CNTN1: variants seen among roughly 807,000 people sequenced by gnomAD.
The protein encoded by CNTN1 is contactin 1, also known as contactin-1.
CNTN1 carries 38 observed loss-of-function variants against 126.4 expected under a neutral mutation model. The observed-to-expected ratio is 0.30, with a 90% CI of 0.23 to 0.39. The LOEUF (loss-of-function observed/expected upper bound fraction) is 0.39, where lower values mean the gene tolerates loss of function less well. Ranked by LOEUF, CNTN1 falls within the 10% of genes least tolerant of loss-of-function variation. CNTN1 has a pLI of 1.00. For synonymous variants in CNTN1, 413 were observed against 422.6 expected (o/e 0.98, Z 0.28); for missense variants, 1,009 against 1,248.4 (o/e 0.81, Z 2.89).
chr12:40,905,615 T>G (rs181547608), intron 1 of CNTN1, among the ~76,000 whole-genome samples: 33 of 123,058 alleles, frequency 2.7e-4, no homozygotes, highest in South Asian at 1.7e-3. Context: ...AGGATTTGTG[T>G]AATAATAATA....
intron 1 of CNTN1, among the ~76,000 whole-genome samples, chr12:40,852,852 T>A (rs1942769308): frequency 6.6e-6 from 1 of 151,822 alleles, no homozygotes; most frequent in Non-Finnish European, 1.5e-5. Flanking sequence ...ATTTTTTAAG[T>A]CACTCAGTTT....
intron 14 of CNTN1, among the ~76,000 whole-genome samples, chr12:40,955,899 C>G (rs1177391476): frequency 6.6e-6 from 1 of 152,002 alleles, no homozygotes; most frequent in Non-Finnish European, 1.5e-5. Flanking sequence ...CCAGGCAATG[C>G]AAGTGATATA....
At chr12:40,995,203 G>A (rs1391010292) in intron 17 of CNTN1, among the ~76,000 whole-genome samples, 1 of 151,992 alleles carries the variant, frequency 6.6e-6, no homozygotes, top group African/African-American at 2.4e-5. Context: ...AGCAGTCCCT[G>A]TTTAAAGACA....
chr12:40,935,752 A>G (rs1364650271), intron 9 of CNTN1, among the ~76,000 whole-genome samples: 1 of 152,090 alleles, frequency 6.6e-6, no homozygotes, highest in African/African-American at 2.4e-5. Context: ...GAAAACATGT[A>G]CTAAATAAGA....
chr12:40,825,732 G>C (rs1271112175), intron 1 of CNTN1, among the ~76,000 whole-genome samples: 2 of 151,934 alleles, frequency 1.3e-5, no homozygotes, highest in Non-Finnish European at 2.9e-5. Context: ...TCTTTTCTTT[G>C]ATTTCCCCAG....
At chr12:40,832,607 C>T (rs146451976) in intron 1 of CNTN1, among the ~76,000 whole-genome samples, 74 of 152,276 alleles carry the variant, frequency 4.9e-4, no homozygotes, top group South Asian at 2.1e-4. Context: ...AATGTATCCT[C>T]ATAGTTAAGT....
chr12:40,711,601 C>T (rs920609275), intron 1 of CNTN1, among the ~76,000 whole-genome samples: 3 of 152,206 alleles, frequency 2.0e-5, no homozygotes, highest in African/African-American at 2.4e-5. Context: ...TAAACTTTTG[C>T]ACCCCCAACT....
At chr12:40,756,199 T>C (rs939020172) in intron 1 of CNTN1, among the ~76,000 whole-genome samples, 1 of 151,970 alleles carries the variant, frequency 6.6e-6, no homozygotes, top group African/African-American at 2.4e-5. Flanking sequence ...AGTAAGAGCA[T>C]GAGTTGGGGG....
intron 1 of CNTN1, among the ~76,000 whole-genome samples, chr12:40,842,594 C>T (rs927239425): frequency 2.6e-5 from 4 of 152,040 alleles, no homozygotes; most frequent in African/African-American, 9.7e-5. Flanking sequence ...ATGCTTTAGA[C>T]ACTTTTGCTT....
rs888044445 is a variant in CNTN1, at chr12:40,832,538, C to T, written c.-76-75819C>T. ...AAGTAGGCTAGACCATCTAGGTTTG[C>T]GTTAAGTACACTTCGTGATGTTCCC... On this transcript the variant is annotated intron_variant, in intron 1 of 23. Transcript: ENST00000551295. 5.3e-5 allele frequency among the ~76,000 whole-genome samples: 8 copies of T among 152,130 alleles called. No individual in the cohort carries two copies. The East Asian group carries it at 5.8e-4, about 11-fold the overall frequency.
intron 1 of CNTN1, among the ~76,000 whole-genome samples, chr12:40,742,147 G>C (rs753065952): frequency 4.6e-5 from 7 of 151,912 alleles, no homozygotes; most frequent in Admixed American, 3.9e-4. Context: ...AATATAACCC[G>C]TGTAACCTAG....
chr12:41,064,810 G>A (rs1253602645), intron 23 of CNTN1, among the ~76,000 whole-genome samples: 1 of 133,534 alleles, frequency 7.5e-6, no homozygotes, highest in African/African-American at 2.9e-5. Flanking sequence ...GATGCCATGA[G>A]ACATATTATT....
intron 16 of CNTN1, among the ~76,000 whole-genome samples, chr12:40,992,261 T>A: frequency 6.6e-6 from 1 of 152,184 alleles, no homozygotes; most frequent in Admixed American, 6.5e-5. Context: ...CCTGGGGTGC[T>A]TAGCATTTAT....
chr12:40,712,607 G>A (rs979692973), intron 1 of CNTN1, among the ~76,000 whole-genome samples: 7 of 151,992 alleles, frequency 4.6e-5, no homozygotes, highest in Non-Finnish European at 8.8e-5. Flanking sequence ...ATAGCCTAAC[G>A]TGTAACTGGC....
At chr12:40,853,735 C>CTATA (rs1266852203) in intron 1 of CNTN1, among the ~76,000 whole-genome samples, 1 of 151,734 alleles carries the variant, frequency 6.6e-6, no homozygotes, top group African/African-American at 2.4e-5. Context: ...ACAATGAAGG[C>CTATA]TATAGCTTTG....
rs145668398 is a variant in CNTN1 at position 40,985,880 on chromosome 12, C to G, written c.1963+4813C>G. ...GTGTGTCTGTGTGTGTGTGTGTGCACGCACGCATGTGTCTGTTTATCTGCG... is the reference window on the plus strand; with the variant it reads ...GTGTGTCTGTGTGTGTGTGTGTGCAGGCACGCATGTGTCTGTTTATCTGCG... On this transcript the variant is annotated intron_variant, in intron 16 of 23. Transcript: ENST00000551295. Among the ~76,000 whole-genome samples the G allele has an allele frequency of 2.7e-3, 408 of 151,852 alleles. 4 individuals are homozygous for G. Among genetic ancestry groups the G allele is most frequent in the Admixed American group, 3.8e-3 (58 of 15,218 alleles).
At chr12:40,746,497 A>C (rs1592041556) in intron 1 of CNTN1, among the ~76,000 whole-genome samples, 2 of 152,128 alleles carry the variant, frequency 1.3e-5, no homozygotes, top group East Asian at 3.9e-4. Flanking sequence ...AGTTTATTTA[A>C]AAGCTTTAGA....
At chr12:40,829,747 A>C (rs1442799612) in intron 1 of CNTN1, among the ~76,000 whole-genome samples, 2 of 152,122 alleles carry the variant, frequency 1.3e-5, no homozygotes, top group Non-Finnish European at 2.9e-5. Flanking sequence ...AAGGAAGGAG[A>C]TATTACTACC....
intron 20 of CNTN1, among the ~76,000 whole-genome samples, chr12:41,022,776 A>C (rs1389876529): frequency 6.6e-6 from 1 of 152,220 alleles, no homozygotes; most frequent in Non-Finnish European, 1.5e-5. Context: ...TGAGGATTAG[A>C]AATGTTTGTC....
Sources: allele counts gnomAD v4.1 joint callset (sites outside exome capture counted in the v4.1 genomes callset), GRCh38; gene constraint gnomAD v4.1.1; transcripts MANE v1.5; gene names NCBI Gene and HGNC (gene_info 2026-07-23, HGNC 2026-07-21).